Variants in GRIK2 observed in about 807,000 individuals in gnomAD.
GRIK2 encodes glutamate receptor ionotropic, kainate 2.
Under a neutral mutation model 100.3 loss-of-function variants are expected in GRIK2, and 32 were observed. The observed-to-expected ratio is 0.32, with a 90% CI of 0.24 to 0.43. GRIK2 has a LOEUF of 0.43. Among genes scored for constraint, GRIK2 ranks in the 20% least tolerant of loss-of-function variants. GRIK2 has a pLI of 1.00. For synonymous variants in GRIK2, 417 were observed against 389.4 expected (o/e 1.07, Z -0.83); for missense variants, 843 against 1,114.9 (o/e 0.76, Z 3.47).
chr6:101,721,128 C>T (rs527859089), intron 7 of GRIK2, among the ~76,000 whole-genome samples: 1 of 152,112 alleles, frequency 6.6e-6, no homozygotes, highest in East Asian at 1.9e-4. Context: ...AATCAGGCAG[C>T]TTCTTCTATA....
At chr6:101,542,926 T>C (rs1437014425) in intron 2 of GRIK2, among the ~76,000 whole-genome samples, 1 of 152,004 alleles carries the variant, frequency 6.6e-6, no homozygotes, top group African/African-American at 2.4e-5. Context: ...TCAAGGAGGG[T>C]AAGAAAGTAC....
At chr6:101,695,867 A>G (rs1049093035) in intron 7 of GRIK2, among the ~76,000 whole-genome samples, 2 of 152,110 alleles carry the variant, frequency 1.3e-5, no homozygotes, top group East Asian at 3.9e-4. Context: ...TTTAAAACAA[A>G]TTGTTGAATC....
chr6:101,914,522 A>G (rs1788969857), intron 12 of GRIK2, among the ~76,000 whole-genome samples: 1 of 151,488 alleles, frequency 6.6e-6, no homozygotes, highest in South Asian at 2.1e-4. Flanking sequence ...ATGGATGATA[A>G]TGACTATATT....
chr6:101,836,925 A>G (rs1196382248), intron 10 of GRIK2, among the ~76,000 whole-genome samples: 1 of 151,836 alleles, frequency 6.6e-6, no homozygotes, highest in Non-Finnish European at 1.5e-5. Flanking sequence ...CGGCCTCCCA[A>G]AGTGCCAGGA....
chr6:102,030,364 T>C (rs1431763936), intron 14 of GRIK2, among the ~76,000 whole-genome samples: 2 of 151,330 alleles, frequency 1.3e-5, no homozygotes, highest in Non-Finnish European at 3.0e-5. Context: ...TATTCTTCTA[T>C]CTGCTATTCT....
chr6:102,029,751 C>T (rs752212904), intron 14 of GRIK2, among the ~76,000 whole-genome samples: 4 of 151,116 alleles, frequency 2.6e-5, no homozygotes, highest in Non-Finnish European at 4.4e-5. Context: ...TTATTAGGAA[C>T]ATTGCCTTAT....
chr6:101,477,999 T>A (rs1359149565), intron 2 of GRIK2, among the ~76,000 whole-genome samples: 1 of 152,138 alleles, frequency 6.6e-6, no homozygotes, highest in Non-Finnish European at 1.5e-5. Flanking sequence ...TACATGAAAC[T>A]TAAGTTTAGA....
chr6:101,942,550 GGA>G (rs1791019916), intron 14 of GRIK2, among the ~76,000 whole-genome samples: 1 of 152,172 alleles, frequency 6.6e-6, no homozygotes, highest in Non-Finnish European at 1.5e-5. Context: ...CGTCTGAGAC[GGA>G]GATGATGAAC....
At chr6:101,486,534 A>C (rs548947336) in intron 2 of GRIK2, among the ~76,000 whole-genome samples, 1 of 152,214 alleles carries the variant, frequency 6.6e-6, no homozygotes, top group South Asian at 2.1e-4. Context: ...ATTTGTGTTT[A>C]CTTTAAGCAT....
chr6:102,022,717 G>A (rs1441735291), intron 14 of GRIK2, among the ~76,000 whole-genome samples: 2 of 151,306 alleles, frequency 1.3e-5, no homozygotes, highest in Non-Finnish European at 3.0e-5. Flanking sequence ...ATAATCTAGT[G>A]TTCCATTGCC....
chr6:101,479,284 CTTATT>C (rs936086206), intron 2 of GRIK2, among the ~76,000 whole-genome samples: 1 of 152,048 alleles, frequency 6.6e-6, no homozygotes, highest in Admixed American at 6.6e-5. Context: ...ATGAGAATAT[CTTATT>C]TTAACAGGGC....
intron 14 of GRIK2, among the ~76,000 whole-genome samples, chr6:101,939,572 A>G (rs1404571764): frequency 6.6e-6 from 1 of 152,118 alleles, no homozygotes; most frequent in Non-Finnish European, 1.5e-5. Flanking sequence ...AATATTCTGG[A>G]TTACTCTCTA....
chr6:101,523,482 C>A (rs1272112548), intron 2 of GRIK2, among the ~76,000 whole-genome samples: 2 of 152,100 alleles, frequency 1.3e-5, no homozygotes, highest in Non-Finnish European at 2.9e-5. Context: ...GGATCATGAA[C>A]TGTATCTTAA....
At chr6:101,500,627 T>A (rs1160912622) in intron 2 of GRIK2, among the ~76,000 whole-genome samples, 2 of 152,114 alleles carry the variant, frequency 1.3e-5, no homozygotes, top group Admixed American at 1.3e-4. Flanking sequence ...AACTTGTTTT[T>A]TCTTGGTAGT....
intron 2 of GRIK2, among the ~76,000 whole-genome samples, chr6:101,455,862 T>C (rs77411562): frequency 0.051 from 7,781 of 152,184 alleles, 220 homozygotes; most frequent in South Asian, 0.096. Flanking sequence ...GGGATCTGAT[T>C]GTACTATAGT....
intron 7 of GRIK2, among the ~76,000 whole-genome samples, chr6:101,738,554 T>G (rs985399031): frequency 6.6e-5 from 10 of 152,186 alleles, no homozygotes; most frequent in African/African-American, 2.4e-4. Flanking sequence ...TCCTACTTTA[T>G]CCTTTGAGAC....
At position 101,510,647 on chromosome 6, in the gene GRIK2, C is replaced by T. The variant is rs566435614; in HGVS notation, c.115+111255C>T. Among the ~76,000 whole-genome samples, 6 of 150,518 alleles carry T rather than the reference C, an allele frequency of 4.0e-5. No individual in the cohort carries two copies. The East Asian group carries it at 6.0e-4, about 15-fold the overall frequency. On this transcript the variant is annotated intron_variant, in intron 2 of 16. Transcript: ENST00000369134. ...AAGTGATTCTCCTGCCTCAGCCTCCCGAGTAGCTGGGATTACAGGCACCTG... is the reference window on the plus strand; with the variant it reads ...AAGTGATTCTCCTGCCTCAGCCTCCTGAGTAGCTGGGATTACAGGCACCTG...
chr6:101,787,754 G>T (rs541430150), intron 7 of GRIK2, among the ~76,000 whole-genome samples: 1 of 152,214 alleles, frequency 6.6e-6, no homozygotes, highest in African/African-American at 2.4e-5. Context: ...TTTGTGTGCT[G>T]ATGAGAAGAA....
At chr6:101,842,981 A>G (rs919691767) in intron 10 of GRIK2, among the ~76,000 whole-genome samples, 6 of 152,204 alleles carry the variant, frequency 3.9e-5, no homozygotes, top group Non-Finnish European at 8.8e-5. Flanking sequence ...ATGTTCAGTG[A>G]ATTAAAAGAA....
Sources: allele counts gnomAD v4.1 joint callset (sites outside exome capture counted in the v4.1 genomes callset), GRCh38; gene constraint gnomAD v4.1.1; transcripts MANE v1.5; gene names NCBI Gene and HGNC (gene_info 2026-07-23, HGNC 2026-07-21).